The following TEK variants were observed in gnomAD, a reference collection of about 807,000 sequenced individuals.
The protein encoded by TEK is TEK receptor tyrosine kinase, also known as angiopoietin-1 receptor.
A neutral mutation model predicts 131.8 loss-of-function variants in TEK; 43 were observed. The ratio of observed to expected loss-of-function variants is 0.33; its 90% CI spans 0.26 to 0.42. TEK has a LOEUF of 0.42. Among genes scored for constraint, TEK ranks in the 10% least tolerant of loss-of-function variants. TEK has a pLI of 1.00. For synonymous variants in TEK, 580 were observed against 491.6 expected, an observed-to-expected ratio of 1.18 and a Z score of -2.38; for missense variants, 1,162 against 1,384.4, an observed-to-expected ratio of 0.84 and a Z score of 2.55.
chr9:27,170,761 C>A (rs897182591), intron 4 of TEK, among the ~76,000 whole-genome samples: 3 of 152,152 alleles, frequency 2.0e-5, no homozygotes, highest in Admixed American at 6.5e-5. Context: ...GTTTCTTTCA[C>A]TTCCAAATTT....
chr9:27,125,486 A>G (rs1821953748), intron 1 of TEK, among the ~76,000 whole-genome samples: 1 of 152,128 alleles, frequency 6.6e-6, no homozygotes, highest in Non-Finnish European at 1.5e-5. Context: ...AGATCTTTCT[A>G]ATGAAACTCA....
chr9:27,120,049 T>C (rs1400728229), intron 1 of TEK, among the ~76,000 whole-genome samples: 2 of 152,250 alleles, frequency 1.3e-5, no homozygotes, highest in Non-Finnish European at 1.5e-5. Context: ...GTTCTAATCT[T>C]CTGGGGTTGA....
chr9:27,221,587 T>G (rs2131250991), intron 21 of TEK, among the ~76,000 whole-genome samples: 1 of 152,308 alleles, frequency 6.6e-6, no homozygotes, highest in East Asian at 1.9e-4. Context: ...ATCTTTGCTG[T>G]TCTGCAGCCT....
chr9:27,192,056 A>G (rs1824842416), intron 10 of TEK: 1 of 413,290 alleles, frequency 2.4e-6, no homozygotes, highest in Non-Finnish European at 4.7e-6. Flanking sequence ...ACCATTGCAA[A>G]TCAGTTTTCT....
At chr9:27,218,440 T>A (rs1825911347) in intron 19 of TEK, among the ~76,000 whole-genome samples, 1 of 152,136 alleles carries the variant, frequency 6.6e-6, no homozygotes, top group South Asian at 2.1e-4. Flanking sequence ...TCAGCAACTG[T>A]TTCCAGGTCA....
intron 1 of TEK, among the ~76,000 whole-genome samples, chr9:27,128,135 T>A (rs1034175369): frequency 6.6e-5 from 10 of 152,192 alleles, no homozygotes; most frequent in Non-Finnish European, 1.5e-4. Flanking sequence ...CTTTAATCCA[T>A]CTTGAATTAA....
chr9:27,117,133 G>A (rs1240842103), intron 1 of TEK, among the ~76,000 whole-genome samples: 1 of 152,106 alleles, frequency 6.6e-6, no homozygotes, highest in Non-Finnish European at 1.5e-5. Flanking sequence ...CCAAAATGCT[G>A]GGATTACAGG....
intron 2 of TEK, among the ~76,000 whole-genome samples, chr9:27,158,660 CT>C (rs71492736): frequency 0.2 from 27,770 of 136,256 alleles, 2,802 homozygotes; most frequent in South Asian, 0.38. Context: ...CTTTCTTTTC[CT>C]TTTTTTTTTT....
chr9:27,148,257 C>T (rs182152056), intron 1 of TEK, among the ~76,000 whole-genome samples: 38 of 152,352 alleles, frequency 2.5e-4, no homozygotes, highest in Admixed American at 4.6e-4. Context: ...CATTCTTTGA[C>T]AATTTGATAG....
chr9:27,154,830 C>T (rs1823270696), intron 1 of TEK, among the ~76,000 whole-genome samples: 2 of 152,152 alleles, frequency 1.3e-5, no homozygotes, highest in Non-Finnish European at 2.9e-5. Flanking sequence ...AGTCCAGACT[C>T]CCAGAGGCCA....
At chr9:27,136,144 C>T (rs111941207) in intron 1 of TEK, among the ~76,000 whole-genome samples, 18,302 of 147,706 alleles carry the variant, frequency 0.12, 1,438 homozygotes, top group Middle Eastern at 0.28. Flanking sequence ...TGCAGTGGCA[C>T]GATCTTGGCT....
intron 1 of TEK, among the ~76,000 whole-genome samples, chr9:27,131,336 A>G (rs531088841): frequency 2.7e-4 from 41 of 151,768 alleles, no homozygotes; most frequent in African/African-American, 8.9e-4. Flanking sequence ...AAAATACAAA[A>G]ATCAGGTGGG....
chr9:27,224,809 G>A (rs1055963770), intron 21 of TEK, among the ~76,000 whole-genome samples: 1 of 152,186 alleles, frequency 6.6e-6, no homozygotes, highest in East Asian at 1.9e-4. Flanking sequence ...AAGAGAGGAA[G>A]TCAAACTGTC....
intron 1 of TEK, among the ~76,000 whole-genome samples, chr9:27,133,765 C>T (rs1822314462): frequency 6.6e-6 from 1 of 152,140 alleles, no homozygotes; most frequent in African/African-American, 2.4e-5. Flanking sequence ...CTATTTTACC[C>T]CAATTTCAAC....
chr9:27,204,570 C>A (rs1176858528), intron 13 of TEK, among the ~76,000 whole-genome samples: 1 of 152,064 alleles, frequency 6.6e-6, no homozygotes, highest in Non-Finnish European at 1.5e-5. Context: ...CAAAGTTATA[C>A]CTGTAGTAAT....
intron 1 of TEK, among the ~76,000 whole-genome samples, chr9:27,111,931 C>T (rs1336207904): frequency 2.1e-5 from 3 of 141,158 alleles, no homozygotes; most frequent in African/African-American, 8.0e-5. Flanking sequence ...TGGAGTCTCG[C>T]TCTGTCACCC....
chr9:27,211,074 A>T (rs1825595401), intron 16 of TEK, among the ~76,000 whole-genome samples: 2 of 151,634 alleles, frequency 1.3e-5, no homozygotes, highest in African/African-American at 4.8e-5. Flanking sequence ...GTGAGCCGAG[A>T]TCGCACCACT....
At chr9:27,217,442 C>T (rs896685288) in intron 18 of TEK, among the ~76,000 whole-genome samples, 7 of 152,188 alleles carry the variant, frequency 4.6e-5, no homozygotes, top group Non-Finnish European at 8.8e-5. Context: ...TAAGGAATGA[C>T]CGACTACCAT....
In TEK at chr9:27,203,037, G is replaced by A. The variant is rs1825275943; in HGVS notation, c.2127G>A (p.Gln709=). Residue 709 remains glutamine, a synonymous_variant, in exon 13 of 23, where the codon CAG becomes CAA. Transcript: ENST00000380036. ...LKGLEPETAY[Q]VDIFAENNIG... ...GCCTAGAGCCTGAAACAGCATACCA[G>A]GTGGACATTTTTGCAGAGAACAACA... The A allele has an allele frequency of 1.9e-6, 3 of 1,613,994 alleles. No homozygotes were observed. The highest frequency in any genetic ancestry group is 2.7e-5 in the African/African-American group (2 of 74,922).
Sources: allele counts gnomAD v4.1 joint callset (sites outside exome capture counted in the v4.1 genomes callset), GRCh38; gene constraint gnomAD v4.1.1; transcripts MANE v1.5; gene names NCBI Gene and HGNC (gene_info 2026-07-23, HGNC 2026-07-21).